Variants in HERC1 observed in about 807,000 individuals in gnomAD.
The protein encoded by HERC1 is HECT and RLD domain containing E3 ubiquitin protein ligase family member 1.
HERC1 carries 160 observed loss-of-function variants against 554.3 expected under a neutral mutation model. That is an observed-to-expected ratio of 0.29 (90% CI 0.25 to 0.33). The LOEUF (loss-of-function observed/expected upper bound fraction) is 0.33, where lower values mean the gene tolerates loss of function less well. HERC1 is among the 10% of genes least tolerant of loss of function. The pLI is 1.00. For missense variants in HERC1, 4,919 were observed against 5,918.5 expected, an observed-to-expected ratio of 0.83 and a Z score of 5.54; for synonymous variants, 2,175 against 2,131.7, an observed-to-expected ratio of 1.02 and a Z score of -0.56.
intron 23 of HERC1, among the ~76,000 whole-genome samples, chr15:63,713,117 G>A: frequency 6.6e-6 from 1 of 152,208 alleles, no homozygotes; most frequent in East Asian, 1.9e-4. Context: ...CTTTTTCACT[G>A]CTGTTGTTTA....
At chr15:63,658,951 T>A (rs2070200067) in intron 47 of HERC1, among the ~76,000 whole-genome samples, 1 of 152,248 alleles carries the variant, frequency 6.6e-6, no homozygotes, top group Non-Finnish European at 1.5e-5. Flanking sequence ...CATAGGAGTA[T>A]TTATACTTAA....
rs1023643258 is a variant in HERC1, at chr15:63,643,268, G to A, written c.11331+136C>T. The stretch of plus-strand genomic sequence containing the variant: ...TCAGTAAGAAAAATGTAAGGGCAGA[G>A]GATTCTGAAAGAAGTTTCCTCAGTA... On this transcript the variant is annotated intron_variant, in intron 58 of 77. Transcript: ENST00000443617. 5 of 884,150 alleles carry A rather than the reference G, an allele frequency of 5.7e-6. No individual in the cohort carries two copies. In the South Asian group the frequency reaches 9.4e-5, roughly 17 times the overall value. 54.8% of individuals were successfully genotyped at this position (884,150 alleles called of 1,614,324 possible).
chr15:63,775,071 C>T lies in HERC1; in HGVS notation c.553G>A (p.Gly185Ser), dbSNP rs1321378526. 1 of 1,613,876 alleles carries T rather than the reference C, an allele frequency of 6.2e-7. No homozygotes were observed. Among genetic ancestry groups the T allele is most frequent in the East Asian group, 2.2e-5 (1 of 44,898 alleles). ...QSWMMPVSGP[G>S]LSLCNDVIHT... The stretch of plus-strand genomic sequence containing the variant: ...ATGACATCGTTGCAAAGACTGAGAC[C>T]AGGTCCTGACACAGGCATCATCCAA... The change falls in exon 2 of 78, where the codon GGT becomes AGT. Residue 185 changes from glycine to serine, a missense_variant. Physicochemically the swap from Gly to Ser is moderately conservative, Grantham distance 56. Coordinates refer to ENST00000443617, the MANE Select transcript of HERC1 (RefSeq NM_003922.4). The surrounding 1 kb of genome is among the most constrained non-coding windows in gnomAD (Gnocchi z 4.0).
intron 12 of HERC1, among the ~76,000 whole-genome samples, chr15:63,746,564 T>C (rs1188776647): frequency 6.6e-6 from 1 of 152,208 alleles, no homozygotes; most frequent in Non-Finnish European, 1.5e-5. Context: ...ACTTATTCAG[T>C]TACTACTACT....
At chr15:63,739,987 C>T (rs1354562328) in intron 12 of HERC1, among the ~76,000 whole-genome samples, 3 of 151,940 alleles carry the variant, frequency 2.0e-5, no homozygotes, top group Non-Finnish European at 4.4e-5. Context: ...GTCAGCTCAC[C>T]GCAACCTCTG....
At chr15:63,610,841 T>A (rs530391582) in intron 77 of HERC1, among the ~76,000 whole-genome samples, 1 of 152,130 alleles carries the variant, frequency 6.6e-6, no homozygotes, top group Non-Finnish European at 1.5e-5. Context: ...GCCCAGCTCA[T>A]GTGGGAGAGA....
chr15:63,752,149 A>C (rs1468631195), intron 8 of HERC1, among the ~76,000 whole-genome samples: 5 of 152,224 alleles, frequency 3.3e-5, no homozygotes, highest in African/African-American at 1.2e-4. Context: ...AATAGCTTGA[A>C]GATTTTTAGA....
At position 63,775,538 on chromosome 15, in the gene HERC1, G is replaced by A. The variant is rs1483801080; in HGVS notation, c.86C>T (p.Ala29Val). 1 of 1,613,716 alleles carries A rather than the reference G, an allele frequency of 6.2e-7. No individual in the cohort carries two copies. Among genetic ancestry groups the A allele is most frequent in the Non-Finnish European group, 8.5e-7 (1 of 1,179,790 alleles). The stretch of plus-strand genomic sequence containing the variant: ...CAGAACAGCAACTCCCTCTCTTGTA[G>A]CAATAGATTCACTGTCCTCTGTAAT... ...SWITEDSESI[A>V]TREGVAVLYS... The change falls in exon 2 of 78, where the codon GCT (alanine) becomes GTT (valine). Residue 29 changes from alanine (A) to valine (V), a missense_variant. Physicochemically the swap from Ala to Val is moderately conservative, Grantham distance 64. This residue lies in a region of HERC1 where 110 missense variants were observed against 99.3 expected (regional missense o/e 1.11). Transcript: ENST00000443617. The surrounding 1 kb of genome is among the most constrained non-coding windows in gnomAD (Gnocchi z 4.0).
chr15:63,813,311 GACACACACAC>G (rs10534978), intron 1 of HERC1, among the ~76,000 whole-genome samples: 23 of 139,602 alleles, frequency 1.6e-4, no homozygotes, highest in East Asian at 6.3e-4. Flanking sequence ...ATCAGAGATG[GACACACACAC>G]ACACACACAC....
Position 63,756,794 on chromosome 15 carries a change from A to G in HERC1, c.1222-46T>C, listed in dbSNP as rs1178022685. On this transcript the variant is annotated intron_variant, in intron 4 of 77. Transcript: ENST00000443617. This position sits in a 1 kb window ranked among gnomAD's most constrained non-coding sequence, Gnocchi z 5.0. ...ATATAAAATACTTCTGTGAGTATCA[A>G]AGTATAATATTTAAGGCTGGTTTTA... 1 of 1,168,240 alleles carries G rather than the reference A, an allele frequency of 8.6e-7. No homozygotes were observed. Among genetic ancestry groups the G allele is most frequent in the East Asian group, 2.5e-5 (1 of 39,496 alleles). 72.4% of individuals were successfully genotyped at this position (1,168,240 alleles called of 1,614,324 possible). A position where few individuals can be genotyped will look rare whatever the true frequency, so the allele number is the denominator to read the frequency against.
Position 63,666,349 on chromosome 15 carries a change from A to C in HERC1, c.8323+7T>G. The C allele has an allele frequency of 6.3e-7, 1 of 1,595,892 alleles. No homozygotes were observed. Among genetic ancestry groups the C allele is most frequent in the Non-Finnish European group, 8.6e-7 (1 of 1,163,846 alleles). ...TGTATACACTGATATATAAAAACTT[A>C]TCCTACCTGTAGCTTCCATGGCTTT... On this transcript the variant is annotated splice_region_variant and intron_variant, in intron 41 of 77. Coordinates refer to ENST00000443617, the MANE Select transcript of HERC1 (RefSeq NM_003922.4).
chr15:63,823,948 A>T (rs2077793720), intron 1 of HERC1, among the ~76,000 whole-genome samples: 1 of 152,246 alleles, frequency 6.6e-6, no homozygotes, highest in Non-Finnish European at 1.5e-5. Context: ...ACACAACGCA[A>T]TAGCAAAAAA....
chr15:63,768,931 A>G (rs1443590317), intron 2 of HERC1, among the ~76,000 whole-genome samples: 1 of 152,200 alleles, frequency 6.6e-6, no homozygotes, highest in Non-Finnish European at 1.5e-5. Flanking sequence ...TGCATTATGT[A>G]TATATATATT....
At chr15:63,830,182 A>T (rs1264168568) in intron 1 of HERC1, among the ~76,000 whole-genome samples, 1 of 152,224 alleles carries the variant, frequency 6.6e-6, no homozygotes, top group Non-Finnish European at 1.5e-5. Context: ...TGAACAATAA[A>T]GGGAAGAATA....
At chr15:63,829,692 T>C (rs887775813) in intron 1 of HERC1, among the ~76,000 whole-genome samples, 1 of 150,636 alleles carries the variant, frequency 6.6e-6, no homozygotes, top group Non-Finnish European at 1.5e-5. Flanking sequence ...TTTTAAATAC[T>C]ATTCTCCAAT....
chr15:63,692,264 C>A lies in HERC1; in HGVS notation c.5830+147G>T. 1 of 552,158 alleles carries A rather than the reference C, an allele frequency of 1.8e-6. No homozygotes were observed. The highest frequency in any genetic ancestry group is 4.2e-5 in the South Asian group (1 of 23,668). The allele number at this position is 552,158 out of a possible 1,614,324, so 34.2% of individuals were successfully genotyped here. A position where few individuals can be genotyped will look rare whatever the true frequency, so the allele number is the denominator to read the frequency against. Reference sequence around the variant, plus strand: ...TTTTTACTTCTGAAATTAGAGTTTTCTTTTGATCAAATAGGTACGCAGAAA... The same window carrying A: ...TTTTTACTTCTGAAATTAGAGTTTTATTTTGATCAAATAGGTACGCAGAAA... On this transcript the variant is annotated intron_variant, in intron 31 of 77. Coordinates refer to ENST00000443617, the MANE Select transcript of HERC1 (RefSeq NM_003922.4). This position sits in a 1 kb window ranked among gnomAD's most constrained non-coding sequence, Gnocchi z 4.7.
chr15:63,750,157 C>T (rs992649136), intron 8 of HERC1, among the ~76,000 whole-genome samples: 8 of 152,210 alleles, frequency 5.3e-5, no homozygotes, highest in African/African-American at 1.4e-4. Context: ...CTCACTATTC[C>T]GGTGAGATTT....
rs757922936 is a variant in HERC1, at chr15:63,649,769, G to A, written c.10703C>T (p.Ser3568Phe). 1.2e-6 allele frequency: 2 copies of A among 1,613,714 alleles called. No individual in the cohort carries two copies. Among genetic ancestry groups the A allele is most frequent in the Non-Finnish European group, 1.7e-6 (2 of 1,179,796 alleles). Reference protein sequence around the residue: ...SLGLIEVVDVSTMHRRELEHC... With the variant: ...SLGLIEVVDVFTMHRRELEHC... Reference sequence around the variant, plus strand: ...CTCCAATTCTCGACGGTGCATGGTGGACACATCAACAACTTCAATCAGTCC... The same window carrying A: ...CTCCAATTCTCGACGGTGCATGGTGAACACATCAACAACTTCAATCAGTCC... The change falls in exon 54 of 78, where the codon TCC becomes TTC. Residue 3568 changes from serine (S) to phenylalanine (F), a missense_variant. This residue lies in a region of HERC1 where 1,963 missense variants were observed against 2,228.6 expected (regional missense o/e 0.88). Coordinates refer to ENST00000443617, the MANE Select transcript of HERC1 (RefSeq NM_003922.4).
Position 63,775,682 on chromosome 15 carries a change from A to C in HERC1, c.-26-33T>G, listed in dbSNP as rs1460651114. 14 of 1,320,382 alleles carry C rather than the reference A, an allele frequency of 1.1e-5. No individual in the cohort carries two copies. The highest frequency in any genetic ancestry group is 1.5e-5 in the Non-Finnish European group (14 of 953,222). 81.8% of individuals were successfully genotyped at this position (1,320,382 alleles called of 1,614,324 possible). ...GGGAGAAGAGAAAACAGTCAAAAAC[A>C]TACAGAGGACTCATAAAATGTTTCC... On this transcript the variant is annotated intron_variant, in intron 1 of 77. Transcript: ENST00000443617. This position sits in a 1 kb window ranked among gnomAD's most constrained non-coding sequence, Gnocchi z 4.0.
Sources: allele counts gnomAD v4.1 joint callset (sites outside exome capture counted in the v4.1 genomes callset), GRCh38; gene constraint gnomAD v4.1.1; regional missense constraint gnomAD v4.1.1; non-coding constraint Gnocchi (gnomAD v3.1); transcripts MANE v1.5; gene names NCBI Gene and HGNC (gene_info 2026-07-23, HGNC 2026-07-21).